RP1L1: variants seen among roughly 807,000 people sequenced by gnomAD.
The protein encoded by RP1L1 is RP1 like 1.
Under a neutral mutation model 15.7 loss-of-function variants are expected in RP1L1, and 27 were observed. The observed-to-expected ratio is 1.72, with a 90% CI of 1.27 to 2.38. The LOEUF is 2.38. RP1L1 is among the 30% of genes most tolerant of loss of function. The pLI, the probability that RP1L1 is intolerant of heterozygous loss-of-function variation, is 0.00. For missense variants in RP1L1, 4,798 were observed against 3,075.9 expected (o/e 1.56, Z -13.24); for synonymous variants, 1,813 against 1,276.7 (o/e 1.42, Z -8.96).
rs200640964 is a variant in RP1L1 at position 10,609,850 on chromosome 8, C to T, written c.4248G>A (p.Pro1416=). ...HGQELSEASS[P]DGKGSQEDDP... Reference sequence around the variant, plus strand: ...CATCTTCCTGGGAGCCTTTCCCATCCGGAGAGCTGGCCTCTGACAATTCCT... The same window carrying T: ...CATCTTCCTGGGAGCCTTTCCCATCTGGAGAGCTGGCCTCTGACAATTCCT... The change falls in exon 4 of 4, where the codon CCG becomes CCA. Residue 1416 remains proline (P), a synonymous_variant. Transcript: ENST00000382483. The T allele has an allele frequency of 1.0e-4, 164 of 1,614,144 alleles. No homozygotes were observed. In the African/African-American group the frequency reaches 1.9e-3, roughly 19 times the overall value.
At position 10,623,165 on chromosome 8, in the gene RP1L1, G is replaced by A; in HGVS notation, c.37C>T (p.His13Tyr). ...STPRNAQAPSHRECFLPSVAR... is the reference protein window; with the variant it reads ...STPRNAQAPSYRECFLPSVAR... ...ACAGAGGGCAGGAAGCACTCACGGT[G>A]GCTCGGGGCCTGGGCATTCCTGGGG... Residue 13 changes from histidine (H) to tyrosine (Y), a missense_variant, in exon 2 of 4, where the codon CAC becomes TAC. Physicochemically the swap from His to Tyr is moderately conservative, Grantham distance 83. Transcript: ENST00000382483. The A allele has an allele frequency of 6.3e-7, 1 of 1,587,122 alleles. No homozygotes were observed. The highest frequency in any genetic ancestry group is 8.6e-7 in the Non-Finnish European group (1 of 1,165,466).
chr8:10,616,190 T>C (rs1797961892), intron 3 of RP1L1, among the ~76,000 whole-genome samples: 2 of 152,272 alleles, frequency 1.3e-5, no homozygotes, highest in African/African-American at 4.8e-5. Context: ...ATTACAGACA[T>C]GAGCCACCAT....
chr8:10,623,906 C>T (rs1274999572), intron 1 of RP1L1, among the ~76,000 whole-genome samples: 2 of 151,218 alleles, frequency 1.3e-5, no homozygotes, highest in African/African-American at 4.9e-5. Flanking sequence ...TCCATGTCCC[C>T]AGCATCACCA....
Position 10,610,301 on chromosome 8 carries a change from G to A in RP1L1, c.3797C>T (p.Ala1266Val), listed in dbSNP as rs1797820029. Residue 1266 changes from alanine to valine, a missense_variant, in exon 4 of 4, where the codon GCC (alanine) becomes GTC (valine). Ala to Val is a moderately conservative substitution (Grantham distance 64). Transcript: ENST00000382483. ...ATCCTCATTGGTGGCACAAGCGCAG[G>A]CTCGGGCGTTCAAGAAGGTTGGGAA... is the stretch of plus-strand genomic sequence containing the variant. ...CCFPTFLNARACACATNEDEA... is the reference protein window; with the variant it reads ...CCFPTFLNARVCACATNEDEA... 3.7e-6 allele frequency: 6 copies of A among 1,614,184 alleles called. No individual in the cohort carries two copies. Among genetic ancestry groups the A allele is most frequent in the Non-Finnish European group, 4.2e-6 (5 of 1,180,032 alleles).
Position 10,609,822 on chromosome 8 carries a change from G to T in RP1L1, c.4276C>A (p.Pro1426Thr), listed in dbSNP as rs377045763. The change falls in exon 4 of 4, where the codon CCA (proline) becomes ACA (threonine). Residue 1426 changes from proline (P) to threonine (T), a missense_variant. Physicochemically the swap from Pro to Thr is conservative, Grantham distance 38. Coordinates refer to ENST00000382483, the MANE Select transcript of RP1L1 (RefSeq NM_178857.6). ...CTTCCTGCTTCCTCCTCCTGGACTG[G>T]GTCATCTTCCTGGGAGCCTTTCCCA... ...PDGKGSQEDD[P>T]VQEEEAGRAS... is the part of the protein sequence containing the mutation. 8.7e-6 allele frequency: 14 copies of T among 1,613,978 alleles called. No homozygotes were observed. The highest frequency in any genetic ancestry group is 1.1e-5 in the Non-Finnish European group (13 of 1,180,026).
chr8:10,623,386 G>C (rs1798105130), intron 1 of RP1L1, among the ~76,000 whole-genome samples, 166 bp from the exon 2 acceptor site: 1 of 152,172 alleles, frequency 6.6e-6, no homozygotes, highest in African/African-American at 2.4e-5. Context: ...AAGGACAAAA[G>C]TTGGGCATGG....
At chr8:10,616,082 T>C (rs1797959778) in intron 3 of RP1L1, among the ~76,000 whole-genome samples, 1 of 140,482 alleles carries the variant, frequency 7.1e-6, no homozygotes, top group African/African-American at 2.5e-5. Context: ...TTTTTTTGTA[T>C]TTTTTTTTTA....
In RP1L1 at chr8:10,610,378, A is replaced by T. The variant is rs1219975432; in HGVS notation, c.3720T>A (p.Asp1240Glu). ...CCCCTGGGCTCTCATAAGTTCTTGA[A>T]TCAGGCCTCTGGTTGGAGGTTTTCA... ...LPLKTSNQRP[D>E]SRTYESPGDL... Residue 1240 changes from aspartate (D) to glutamate (E), a missense_variant, in exon 4 of 4, where the codon GAT (aspartate) becomes GAA (glutamate). Physicochemically the swap from Asp to Glu is conservative, Grantham distance 45. Coordinates refer to ENST00000382483, the MANE Select transcript of RP1L1 (RefSeq NM_178857.6). 3.1e-6 allele frequency: 5 copies of T among 1,613,984 alleles called. No homozygotes were observed. The highest frequency in any genetic ancestry group is 3.4e-6 in the Non-Finnish European group (4 of 1,180,034).
At chr8:10,641,907 G>C (rs191060453) in intron 1 of RP1L1, among the ~76,000 whole-genome samples, 6 of 152,208 alleles carry the variant, frequency 3.9e-5, no homozygotes, top group South Asian at 2.1e-4. Flanking sequence ...ATGGAGAATA[G>C]ATTAACATTT....
At chr8:10,640,265 G>C (rs529920619) in intron 1 of RP1L1, among the ~76,000 whole-genome samples, 18 of 152,284 alleles carry the variant, frequency 1.2e-4, no homozygotes, top group Non-Finnish European at 2.2e-4. Context: ...GTTGGAGAAT[G>C]AACCATTTTA....
At position 10,625,719 on chromosome 8, in the gene RP1L1, G is replaced by A. The variant is rs1205866077; in HGVS notation, c.-19-2499C>T. On this transcript the variant is annotated intron_variant, in intron 1 of 3. Coordinates refer to ENST00000382483, the MANE Select transcript of RP1L1 (RefSeq NM_178857.6). ...GCTTCTGAACCATCCAGGTGCCCCC[G>A]GCTGTGGACAGGACCACGCAGGAGC... Among the ~76,000 whole-genome samples the A allele has an allele frequency of 3.9e-5, 6 of 152,272 alleles. No homozygotes were observed. In the East Asian group the frequency reaches 7.7e-4, roughly 20 times the overall value.
At position 10,607,356 on chromosome 8, in the gene RP1L1, C is replaced by A. The variant is rs758698287; in HGVS notation, c.6742G>T (p.Glu2248Ter). The A allele has an allele frequency of 6.2e-7, 1 of 1,614,140 alleles. No individual in the cohort carries two copies. Among genetic ancestry groups the A allele is most frequent in the Non-Finnish European group, 8.5e-7 (1 of 1,179,970 alleles). ...QPESEGETQG[E>*]KKGSPQVSLG... ...CTGACCTGAGGGCTCCCCTTTTTCT[C>A]ACCTTGAGTTTCTCCTTCTGACTCT... Residue 2248 changes from glutamate (E) to a stop codon, truncating the protein, a stop_gained, in exon 4 of 4, where the codon GAG becomes TAG. Coordinates refer to ENST00000382483, the MANE Select transcript of RP1L1 (RefSeq NM_178857.6). LOFTEE classifies it low-confidence loss of function (END_TRUNC).
chr8:10,609,394 G>C lies in RP1L1; in HGVS notation c.4704C>G (p.Leu1568=). ...GGAGCTCTCTCTTGGTGCTGTCCTG[G>C]AGGCGTTGGGCCACGTCCTGCTGCA... The part of the protein sequence containing the change: ...AELQQDVAQR[L]QDSTKRELQK... The change falls in exon 4 of 4, where the codon CTC becomes CTG. Residue 1568 remains leucine (L), a synonymous_variant. Coordinates refer to ENST00000382483, the MANE Select transcript of RP1L1 (RefSeq NM_178857.6). 1 of 1,612,392 alleles carries C rather than the reference G, an allele frequency of 6.2e-7. No homozygotes were observed. Among genetic ancestry groups the C allele is most frequent in the Non-Finnish European group, 8.5e-7 (1 of 1,179,924 alleles).
At chr8:10,651,043 T>C (rs1156340152) in intron 1 of RP1L1, among the ~76,000 whole-genome samples, 1 of 152,212 alleles carries the variant, frequency 6.6e-6, no homozygotes, top group African/African-American at 2.4e-5. Flanking sequence ...CTGGGATAAT[T>C]TGTCTGATTA....
Position 10,609,043 on chromosome 8 carries a change from C to G in RP1L1, c.5055G>C (p.Glu1685Asp), listed in dbSNP as rs1159329465. The part of the protein sequence containing the change: ...TMGATRGPIK[E>D]AFDLQQILQR... The stretch of plus-strand genomic sequence containing the variant: ...GCAGAATCTGCTGCAGGTCAAAGGC[C>G]TCTTTGATGGGACCTCTGGTTGCCC... The change falls in exon 4 of 4, where the codon GAG becomes GAC. Residue 1685 changes from glutamate to aspartate, a missense_variant. By Grantham distance (45) the Glu-to-Asp change is conservative. Transcript: ENST00000382483. The G allele has an allele frequency of 6.2e-7, 1 of 1,613,712 alleles. No homozygotes were observed. The highest frequency in any genetic ancestry group is 8.5e-7 in the Non-Finnish European group (1 of 1,179,760).
At chr8:10,633,856 A>G (rs1798289507) in intron 1 of RP1L1, among the ~76,000 whole-genome samples, 1 of 152,240 alleles carries the variant, frequency 6.6e-6, no homozygotes, top group Admixed American at 6.5e-5. Flanking sequence ...TGAGGGATGC[A>G]TGAATTATAT....
Position 10,612,115 on chromosome 8 carries a change from CGG to C in RP1L1, c.1981_1982del (p.Pro661GlufsTer30), listed in dbSNP as rs1253038139. On this transcript the variant is annotated frameshift_variant, in exon 4 of 4. Transcript: ENST00000382483. LOFTEE classifies it low-confidence loss of function (END_TRUNC). ...AGTGAGAATGCCTGGGATGGCCTCT[CGG>C]GGCCACTCGGCCAAGGCCAGGGCTG... Reference protein sequence around the residue: ...PSSPGLGRVAPRGHPRHSHYR... With the variant: ...PSSPGLGRVAXRGHPRHSHYR... 12 of 1,613,578 alleles carry C rather than the reference CGG, an allele frequency of 7.4e-6. No individual in the cohort carries two copies. The highest frequency in any genetic ancestry group is 1.3e-5 in the African/African-American group (1 of 74,942).
chr8:10,634,766 C>T (rs567624748), intron 1 of RP1L1, among the ~76,000 whole-genome samples: 48 of 152,262 alleles, frequency 3.2e-4, no homozygotes, highest in Middle Eastern at 3.4e-3. Context: ...CCACCAGCCC[C>T]GGGGACCCCT....
chr8:10,650,306 C>T (rs1457557340), intron 1 of RP1L1, among the ~76,000 whole-genome samples: 1 of 152,182 alleles, frequency 6.6e-6, no homozygotes, highest in Non-Finnish European at 1.5e-5. Flanking sequence ...CCACTTTTAG[C>T]TGGGAATTTT....
Sources: gnomAD v4.1 joint callset for allele counts (sites outside exome capture counted in the v4.1 genomes callset) on GRCh38, gnomAD v4.1.1 for gene constraint, MANE v1.5 for transcripts, NCBI Gene and HGNC (gene_info 2026-07-23, HGNC 2026-07-21) for gene names.